Variants in ITGB6 observed in about 807,000 individuals in gnomAD.
ITGB6 encodes integrin subunit beta 6, also known as integrin beta-6.
Under a neutral mutation model 84.5 loss-of-function variants are expected in ITGB6, and 80 were observed. The observed-to-expected ratio is 0.95, with a 90% CI of 0.79 to 1.14. The LOEUF (loss-of-function observed/expected upper bound fraction) is 1.14, where lower values mean the gene tolerates loss of function less well. Among genes scored for constraint, ITGB6 ranks in the 50% most tolerant of loss-of-function variants. The pLI, the probability that ITGB6 is intolerant of heterozygous loss-of-function variation, is 0.00. For missense variants in ITGB6, 1,006 were observed against 968.0 expected (o/e 1.04, Z -0.52); for synonymous variants, 383 against 354.9 (o/e 1.08, Z -0.89).
At chr2:160,169,763 G>A (rs1685136501) in intron 6 of ITGB6, among the ~76,000 whole-genome samples, 2 of 152,168 alleles carry the variant, frequency 1.3e-5, no homozygotes. Context: ...AATTGGATGA[G>A]GTGGAATGAG....
In ITGB6 at chr2:160,137,769, TC is replaced by T. The variant is rs1683813567; in HGVS notation, c.1324del (p.Asp442MetfsTer21). 1.9e-6 allele frequency: 3 copies of T among 1,614,136 alleles called. No individual in the cohort carries two copies. The highest frequency in any genetic ancestry group is 1.7e-6 in the Non-Finnish European group (2 of 1,180,016). ...TGGGCTGACAAGTAATTCCAGGGCA[TC>T]CCCCAGCCCCACAGGCTTTATGATA... is the stretch of plus-strand genomic sequence containing the variant. Reference protein sequence around the residue: ...HIIIKPVGLGDALELLVSPEC... With the variant: ...HIIIKPVGLGXALELLVSPEC... On this transcript the variant is annotated frameshift_variant, in exon 10 of 15. Coordinates refer to ENST00000283249, the MANE Select transcript of ITGB6 (RefSeq NM_000888.5). LOFTEE classifies it high-confidence loss of function.
At chr2:160,169,387 C>A in intron 6 of ITGB6, 80 bp from the exon 7 acceptor site, 1 of 823,612 alleles carries the variant, frequency 1.2e-6, no homozygotes, top group Non-Finnish European at 1.9e-6. Context: ...TCAAAGATAC[C>A]TTTTTGAGTT....
In ITGB6 at chr2:160,196,262, G is replaced by A. The variant is rs771795596; in HGVS notation, c.300C>T (p.Asp100=). The A allele has an allele frequency of 1.2e-6, 2 of 1,613,976 alleles. No individual in the cohort carries two copies. The highest frequency in any genetic ancestry group is 1.7e-6 in the Non-Finnish European group (2 of 1,179,960). The change falls in exon 3 of 15, where the codon GAC becomes GAT. Residue 100 remains aspartate (D), a synonymous_variant. Coordinates refer to ENST00000283249, the MANE Select transcript of ITGB6 (RefSeq NM_000888.5). The part of the protein sequence containing the change: ...LSVGRQKNSS[D]IVQIAPQSLI... ...AGCTTTGAGGCGCAATCTGAACAAT[G>A]TCAGAACTATTTTTCTGTCTGCCTA...
intron 7 of ITGB6, among the ~76,000 whole-genome samples, chr2:160,148,922 T>A (rs1684297754): frequency 6.6e-6 from 1 of 152,174 alleles, no homozygotes; most frequent in Non-Finnish European, 1.5e-5. Context: ...GCTGAGGCTT[T>A]AGTAGGTAAA....
At chr2:160,133,048 A>T (rs1387134489) in intron 10 of ITGB6, among the ~76,000 whole-genome samples, 1 of 152,140 alleles carries the variant, frequency 6.6e-6, no homozygotes, top group Admixed American at 6.6e-5. Context: ...CCTTGGTAGC[A>T]TGCTTATTTA....
rs572879277 is a variant in ITGB6 at position 160,134,043 on chromosome 2, A to G, written c.1660+3391T>C. On this transcript the variant is annotated intron_variant, in intron 10 of 14. Transcript: ENST00000283249. Reference sequence around the variant, plus strand: ...ACTCAAAACTAGCAGAAGGCAAGAAATAACTAAGATCAGAGCAGAACTGAA... The same window carrying G: ...ACTCAAAACTAGCAGAAGGCAAGAAGTAACTAAGATCAGAGCAGAACTGAA... Among the ~76,000 whole-genome samples the G allele has an allele frequency of 2.5e-3, 383 of 152,350 alleles. 5 individuals carry two copies. The highest frequency in any genetic ancestry group is 4.6e-3 in the Non-Finnish European group (310 of 68,026).
At chr2:160,149,826 C>T (rs1209882143) in intron 7 of ITGB6, among the ~76,000 whole-genome samples, 2 of 152,058 alleles carry the variant, frequency 1.3e-5, no homozygotes, top group African/African-American at 2.4e-5. Context: ...GCTTCAATAG[C>T]AGGTTCAATC....
intron 8 of ITGB6, among the ~76,000 whole-genome samples, chr2:160,140,493 G>A (rs1448015533): frequency 1.3e-5 from 2 of 152,186 alleles, no homozygotes; most frequent in East Asian, 3.8e-4. Context: ...CTCCGATGAT[G>A]TTAGTGGCCA....
intron 8 of ITGB6, 45 bp from the exon 9 acceptor site, chr2:160,138,244 A>G (rs766165346): frequency 6.6e-6 from 10 of 1,526,478 alleles, no homozygotes; most frequent in Non-Finnish European, 8.8e-6. Context: ...CAACCCCAAA[A>G]ATATAGCCAG....
chr2:160,106,530 G>T (rs770555192), intron 14 of ITGB6, among the ~76,000 whole-genome samples: 2 of 152,176 alleles, frequency 1.3e-5, no homozygotes, highest in Non-Finnish European at 2.9e-5. Context: ...GAGCCACCAT[G>T]CCCAGCCTTT....
At chr2:160,193,752 A>G (rs1271904137) in intron 4 of ITGB6, among the ~76,000 whole-genome samples, 2 of 152,228 alleles carry the variant, frequency 1.3e-5, no homozygotes, top group Non-Finnish European at 2.9e-5. Context: ...ATAAAATCCA[A>G]GTGTCAATAA....
chr2:160,193,152 G>C (rs1192051190), intron 4 of ITGB6, among the ~76,000 whole-genome samples: 3 of 152,114 alleles, frequency 2.0e-5, no homozygotes, highest in Admixed American at 2.0e-4. Context: ...AGAAGTAAAA[G>C]TATACATCTA....
In ITGB6 at chr2:160,183,444, C is replaced by A. The variant is rs145952547; in HGVS notation, c.594-9305G>T. Among the ~76,000 whole-genome samples, 1,366 of 152,228 alleles carry A rather than the reference C, an allele frequency of 9.0e-3. 17 individuals are homozygous for A. Among genetic ancestry groups the A allele is most frequent in the African/African-American group, 0.031 (1,273 of 41,526 alleles). On this transcript the variant is annotated intron_variant, in intron 4 of 14. Coordinates refer to ENST00000283249, the MANE Select transcript of ITGB6 (RefSeq NM_000888.5). Reference sequence around the variant, plus strand: ...CAACACAACAAGAAAAGCTAACTATCCTAAATATATATGCACCCAATACAG... The same window carrying A: ...CAACACAACAAGAAAAGCTAACTATACTAAATATATATGCACCCAATACAG...
intron 2 of ITGB6, 108 bp from the exon 3 acceptor site, chr2:160,196,528 T>A: frequency 1.1e-6 from 1 of 876,948 alleles, no homozygotes; most frequent in Non-Finnish European, 1.8e-6. Context: ...TAGTTAAGCA[T>A]CTTGCCATAT....
intron 12 of ITGB6, among the ~76,000 whole-genome samples, chr2:160,113,407 G>A (rs896677157): frequency 6.6e-6 from 1 of 152,206 alleles, no homozygotes; most frequent in African/African-American, 2.4e-5. Context: ...AAACCCAACA[G>A]TGTCTGTGAG....
chr2:160,148,361 T>C (rs1212204466), intron 7 of ITGB6, among the ~76,000 whole-genome samples: 1 of 152,184 alleles, frequency 6.6e-6, no homozygotes, highest in African/African-American at 2.4e-5. Context: ...CTGGTGGGAA[T>C]GCAAAATGAT....
intron 12 of ITGB6, among the ~76,000 whole-genome samples, chr2:160,120,604 A>G (rs1194135803): frequency 1.7e-5 from 1 of 58,168 alleles, no homozygotes; most frequent in Admixed American, 2.3e-4. Flanking sequence ...CCAGCATGGC[A>G]CATGTATACA....
intron 12 of ITGB6, 103 bp from the exon 13 acceptor site, chr2:160,112,302 A>G (rs1682569373): frequency 9.1e-7 from 1 of 1,094,732 alleles, no homozygotes; most frequent in East Asian, 2.6e-5. Flanking sequence ...AGAGTTTTCA[A>G]TATTGCAGAA....
rs768559532 is a variant in ITGB6 at position 160,112,089 on chromosome 2, TG to T, written c.2091del (p.Asn698MetfsTer13). Reference protein sequence around the residue: ...DNEGKTIIHSINEKDCPKPPN... With the variant: ...DNEGKTIIHSXNEKDCPKPPN... Reference sequence around the variant, plus strand: ...AAGGCAAAACACCCACCTTTTTCATTGATGCTGTGAATGATGGTTTTCCCCT... The same window carrying T: ...AAGGCAAAACACCCACCTTTTTCATTATGCTGTGAATGATGGTTTTCCCCT... On this transcript the variant is annotated frameshift_variant, in exon 13 of 15. Coordinates refer to ENST00000283249, the MANE Select transcript of ITGB6 (RefSeq NM_000888.5). LOFTEE classifies it high-confidence loss of function. 1 of 1,612,598 alleles carries T rather than the reference TG, an allele frequency of 6.2e-7. No homozygotes were observed. Among genetic ancestry groups the T allele is most frequent in the East Asian group, 2.2e-5 (1 of 44,864 alleles).
Sources: gnomAD v4.1 joint callset for allele counts (sites outside exome capture counted in the v4.1 genomes callset) on GRCh38, gnomAD v4.1.1 for gene constraint, MANE v1.5 for transcripts, NCBI Gene and HGNC (gene_info 2026-07-23, HGNC 2026-07-21) for gene names.